The following RAD54B variants were observed in gnomAD, a reference collection of about 807,000 sequenced individuals.
RAD54B encodes the protein DNA repair and recombination protein RAD54B.
A neutral mutation model predicts 95.8 loss-of-function variants in RAD54B; 78 were observed. The ratio of observed to expected loss-of-function variants is 0.81; its 90% confidence interval spans 0.68 to 0.98. The LOEUF is 0.98. RAD54B is among the 50% of genes least tolerant of loss of function. RAD54B has a pLI of 0.00. For synonymous variants in RAD54B, 328 were observed against 354.9 expected (o/e 0.92, Z 0.85); for missense variants, 957 against 1,056.6 (o/e 0.91, Z 1.31).
chr8:94,436,747 TCTA>T, intron 3 of RAD54B: 1 of 1,550,714 alleles, frequency 6.4e-7, no homozygotes, highest in Non-Finnish European at 8.7e-7. Flanking sequence ...TCTATTCTTT[TCTA>T]CTATTACTGA....
intron 1 of RAD54B, among the ~76,000 whole-genome samples, chr8:94,471,181 T>C (rs1813162033): frequency 6.6e-6 from 1 of 150,846 alleles, no homozygotes; most frequent in Admixed American, 6.6e-5. Flanking sequence ...CATGAAATCT[T>C]ACGTACAATT....
At chr8:94,380,095 T>C (rs1243701558) in intron 12 of RAD54B, 50 bp downstream of exon 12, 1 of 1,524,704 alleles carries the variant, frequency 6.6e-7, no homozygotes, top group South Asian at 1.2e-5. Flanking sequence ...CAATAGGCAT[T>C]GTATCCTCAG....
chr8:94,428,856 A>C (rs1812009883), intron 3 of RAD54B: 1 of 985,184 alleles, frequency 1.0e-6, no homozygotes, highest in Non-Finnish European at 1.2e-6. Context: ...CAATACAAAA[A>C]AGAAGAAAAA....
chr8:94,453,884 C>G (rs1304868837), intron 3 of RAD54B, among the ~76,000 whole-genome samples: 1 of 151,962 alleles, frequency 6.6e-6, no homozygotes, highest in Non-Finnish European at 1.5e-5. Context: ...CTCTGCCTCC[C>G]GGGTTCAAGC....
chr8:94,375,954 T>C (rs1157530726), intron 14 of RAD54B, among the ~76,000 whole-genome samples: 4 of 151,418 alleles, frequency 2.6e-5, no homozygotes, highest in Middle Eastern at 3.4e-3. Flanking sequence ...GGAGGAAGAG[T>C]TTTCACCATG....
chr8:94,413,103 T>C (rs898445344), intron 3 of RAD54B, among the ~76,000 whole-genome samples: 3 of 152,168 alleles, frequency 2.0e-5, no homozygotes, highest in African/African-American at 7.2e-5. Flanking sequence ...ATTTCATGAA[T>C]TGGAACATTC....
At chr8:94,450,244 T>A (rs933525699) in intron 3 of RAD54B, among the ~76,000 whole-genome samples, 1 of 152,202 alleles carries the variant, frequency 6.6e-6, no homozygotes, top group Non-Finnish European at 1.5e-5. Flanking sequence ...AGAAAACAGA[T>A]TCACCAATCA....
intron 9 of RAD54B, among the ~76,000 whole-genome samples, chr8:94,393,232 T>G (rs1446339611): frequency 1.3e-5 from 2 of 152,140 alleles, no homozygotes; most frequent in Non-Finnish European, 2.9e-5. Context: ...ATTGCCAAAC[T>G]TTCCCCAAGT....
At chr8:94,381,190 C>T (rs1278767481) in intron 11 of RAD54B, among the ~76,000 whole-genome samples, 1 of 152,272 alleles carries the variant, frequency 6.6e-6, no homozygotes, top group South Asian at 2.1e-4. Context: ...CCTTTTCCTG[C>T]CAACTACTAG....
At chr8:94,393,987 A>T in intron 8 of RAD54B, 105 bp from the exon 9 acceptor site, 3 of 1,062,336 alleles carry the variant, frequency 2.8e-6, no homozygotes, top group Non-Finnish European at 4.1e-6. Context: ...TTTATTCCCT[A>T]AAAGGAATAA....
chr8:94,400,234 T>C lies in RAD54B; in HGVS notation c.1170+4A>G. 6.2e-7 allele frequency: 1 copy of C among 1,609,570 alleles called. No individual in the cohort carries two copies. The highest frequency in any genetic ancestry group is 1.3e-5 in the African/African-American group (1 of 74,866). On this transcript the variant is annotated splice_donor_region_variant and intron_variant, in intron 7 of 14. Coordinates refer to ENST00000336148, the MANE Select transcript of RAD54B (RefSeq NM_012415.3). Reference sequence around the variant, plus strand: ...GACTAAGGCTAAACTTTTAAGTTTCTTACCTGATCAACAGTAAATATCTTG... The same window carrying C: ...GACTAAGGCTAAACTTTTAAGTTTCCTACCTGATCAACAGTAAATATCTTG...
chr8:94,393,912 CAA>C, intron 8 of RAD54B, 30 bp from the exon 9 acceptor site: 1 of 1,550,220 alleles, frequency 6.5e-7, no homozygotes, highest in South Asian at 1.2e-5. Context: ...AGTAAAAGGT[CAA>C]GTTTGTGTTT....
rs539137676 is a variant in RAD54B at position 94,385,862 on chromosome 8, C to T, written c.1985+1122G>A. The stretch of plus-strand genomic sequence containing the variant: ...GAAGTGGGGCAAATTACAGGCTCTG[C>T]AGGTGGTTTGGTATGACTGGACCAC... On this transcript the variant is annotated intron_variant, in intron 11 of 14. Transcript: ENST00000336148. Among the ~76,000 whole-genome samples, 31 of 152,218 alleles carry T rather than the reference C, an allele frequency of 2.0e-4. No individual in the cohort carries two copies. The South Asian group carries it at 2.3e-3, about 11-fold the overall frequency.
intron 2 of RAD54B, among the ~76,000 whole-genome samples, chr8:94,466,633 C>T (rs1253803259): frequency 2.0e-5 from 3 of 152,272 alleles, no homozygotes; most frequent in Non-Finnish European, 2.9e-5. Flanking sequence ...GTCTCAACTC[C>T]TGACCCCAGG....
intron 3 of RAD54B, among the ~76,000 whole-genome samples, chr8:94,440,838 G>C (rs1418761895): frequency 6.6e-6 from 1 of 152,150 alleles, no homozygotes; most frequent in South Asian, 2.1e-4. Context: ...CCCCACCTGA[G>C]GGAAGAGAGA....
intron 10 of RAD54B, among the ~76,000 whole-genome samples, chr8:94,390,365 T>C (rs2129981941): frequency 6.6e-6 from 1 of 151,340 alleles, no homozygotes; most frequent in Admixed American, 6.6e-5. Context: ...CTGGGTGTGG[T>C]GGCAGGCGCC....
intron 8 of RAD54B, among the ~76,000 whole-genome samples, chr8:94,395,095 C>T (rs749333670): frequency 5.3e-5 from 8 of 152,022 alleles, no homozygotes; most frequent in Admixed American, 1.3e-4. Context: ...CGAGAAAGAA[C>T]GGTAGAAGGA....
At chr8:94,388,479 C>T (rs1044766018) in intron 10 of RAD54B, among the ~76,000 whole-genome samples, 2 of 152,116 alleles carry the variant, frequency 1.3e-5, no homozygotes, top group African/African-American at 4.8e-5. Flanking sequence ...TTGGGGGAGT[C>T]AAAAGTCATA....
In RAD54B at chr8:94,387,143, G is replaced by A; in HGVS notation, c.1826C>T (p.Ser609Leu). 1 of 1,594,336 alleles carries A rather than the reference G, an allele frequency of 6.3e-7. No individual in the cohort carries two copies. The highest frequency in any genetic ancestry group is 8.5e-7 in the Non-Finnish European group (1 of 1,173,366). The change falls in exon 11 of 15, where the codon TCA becomes TTA. Residue 609 changes from serine (S) to leucine (L), a missense_variant. Coordinates refer to ENST00000336148, the MANE Select transcript of RAD54B (RefSeq NM_012415.3). ...CTTTTCTTCATTTTTATCACAAGTTGAGCTACATTCCTTTTCCTATTCAAA... is the reference window on the plus strand; with the variant it reads ...CTTTTCTTCATTTTTATCACAAGTTAAGCTACATTCCTTTTCCTATTCAAA... ...FNSIKEKECS[S>L]TCDKNEEKSL...
Sources: allele counts gnomAD v4.1 joint callset (sites outside exome capture counted in the v4.1 genomes callset), GRCh38; gene constraint gnomAD v4.1.1; transcripts MANE v1.5; gene names NCBI Gene and HGNC (gene_info 2026-07-23, HGNC 2026-07-21).